Variants in GTSF1 observed in about 807,000 individuals in gnomAD.
GTSF1 encodes gametocyte specific factor 1.
Under a neutral mutation model 28.9 loss-of-function variants are expected in GTSF1, and 11 were observed. The observed-to-expected ratio is 0.38, with a 90% confidence interval of 0.24 to 0.63. The LOEUF (loss-of-function observed/expected upper bound fraction) is 0.63, where lower values mean the gene tolerates loss of function less well. Among genes scored for constraint, GTSF1 ranks in the 30% least tolerant of loss-of-function variants. GTSF1 has a pLI of 0.56. For missense variants in GTSF1, 146 were observed against 201.0 expected (o/e 0.73, Z 1.66); for synonymous variants, 69 against 65.6 (o/e 1.05, Z -0.25).
intron 1 of GTSF1, among the ~76,000 whole-genome samples, chr12:54,471,479 C>A (rs1394301565): frequency 6.6e-6 from 1 of 152,052 alleles, no homozygotes; most frequent in Non-Finnish European, 1.5e-5. Flanking sequence ...AATTCACATT[C>A]TTGGAATAAA....
At chr12:54,468,875 T>A (rs1026005425) in intron 2 of GTSF1, 5 of 152,118 alleles carry the variant, frequency 3.3e-5, no homozygotes, top group African/African-American at 9.7e-5. Context: ...TGATTCTGAT[T>A]CAGTAGGTCT....
intron 3 of GTSF1, 129 bp from the exon 4 acceptor site, chr12:54,463,426 A>G (rs545946277): frequency 1.4e-6 from 1 of 740,492 alleles, no homozygotes; most frequent in Non-Finnish European, 2.2e-6. Flanking sequence ...AACTATAACA[A>G]GTAAACTCAG....
At chr12:54,467,858 C>T (rs1473501818) in intron 2 of GTSF1, among the ~76,000 whole-genome samples, 1 of 151,790 alleles carries the variant, frequency 6.6e-6, no homozygotes, top group Admixed American at 6.6e-5. Context: ...ACTGCAACCT[C>T]TGCCTCCCGG....
At chr12:54,466,426 G>A (rs1274404221) in intron 2 of GTSF1, among the ~76,000 whole-genome samples, 1 of 152,178 alleles carries the variant, frequency 6.6e-6, no homozygotes, top group Non-Finnish European at 1.5e-5. Flanking sequence ...ATGCAAATGA[G>A]CCAGAAAGGT....
At chr12:54,462,212 A>G (rs375901387) in intron 5 of GTSF1, 40 bp from the exon 6 acceptor site, 4 of 1,383,890 alleles carry the variant, frequency 2.9e-6, no homozygotes, top group Admixed American at 1.7e-5. Context: ...GTACTACTAG[A>G]TAAGACACCA....
chr12:54,463,214 A>G lies in GTSF1; in HGVS notation c.201T>C (p.His67=). The G allele has an allele frequency of 6.2e-7, 1 of 1,613,842 alleles. No homozygotes were observed. Among genetic ancestry groups the G allele is most frequent in the Non-Finnish European group, 8.5e-7 (1 of 1,179,692 alleles). Residue 67 remains histidine, a synonymous_variant, in exon 4 of 9, where the codon CAT becomes CAC. Transcript: ENST00000305879. ...HQVPRAEISH[H]ISSCDDRSCI... The stretch of plus-strand genomic sequence containing the variant: ...AACTTCTGTCATCACAGCTTGAGAT[A>G]TGATGACTAATTTCAGCTCGAGGAA...
chr12:54,462,209 T>C (rs1956433874), intron 5 of GTSF1, 37 bp from the exon 6 acceptor site: 2 of 1,418,304 alleles, frequency 1.4e-6, no homozygotes, highest in Non-Finnish European at 2.0e-6. Context: ...GTGGTACTAC[T>C]AGATAAGACA....
chr12:54,458,551 T>A (rs1016684596), intron 8 of GTSF1, among the ~76,000 whole-genome samples: 13 of 152,142 alleles, frequency 8.5e-5, no homozygotes, highest in Admixed American at 8.5e-4. Flanking sequence ...TTTGAATTTT[T>A]AGTAGAGACA....
intron 2 of GTSF1, among the ~76,000 whole-genome samples, chr12:54,467,322 G>GT (rs544650030): frequency 0.026 from 3,679 of 141,980 alleles, 153 homozygotes; most frequent in African/African-American, 0.083. Flanking sequence ...TTTGTTTTTT[G>GT]TTTTTTTTTT....
At chr12:54,463,335 G>C in intron 3 of GTSF1, 38 bp from the exon 4 acceptor site, 1 of 1,609,934 alleles carries the variant, frequency 6.2e-7, no homozygotes, top group East Asian at 2.2e-5. Context: ...CAGTTCTCTG[G>C]ATCTACTAAA....
At chr12:54,468,984 G>C (rs1592323734) in intron 2 of GTSF1, 2 of 152,358 alleles carry the variant, frequency 1.3e-5, no homozygotes, top group Middle Eastern at 3.4e-3. Flanking sequence ...GTAAGAGACA[G>C]AAAGGGGAGA....
intron 7 of GTSF1, 45 bp downstream of exon 7, chr12:54,460,332 A>G (rs1247799989): frequency 7.4e-7 from 1 of 1,345,356 alleles, no homozygotes; most frequent in Non-Finnish European, 1.1e-6. Context: ...AACTGTATTT[A>G]GCACAATGAA....
intron 1 of GTSF1, 130 bp downstream of exon 1, chr12:54,473,416 T>C (rs1283108638): frequency 1.3e-5 from 2 of 151,970 alleles, no homozygotes; most frequent in Non-Finnish European, 1.5e-5. Flanking sequence ...GTAGCCAAAA[T>C]AGCTGCATTG....
intron 7 of GTSF1, 57 bp from the exon 8 acceptor site, chr12:54,459,182 C>G (rs1237114211): frequency 2.6e-6 from 4 of 1,536,210 alleles, no homozygotes; most frequent in African/African-American, 1.4e-5. Context: ...TTCACTCCAT[C>G]CCCTATTCTT....
intron 2 of GTSF1, among the ~76,000 whole-genome samples, chr12:54,469,719 T>C (rs937818712): frequency 2.0e-5 from 3 of 149,708 alleles, no homozygotes; most frequent in African/African-American, 2.5e-5. Flanking sequence ...GACAGGGTCT[T>C]GCTCTGTCAC....
chr12:54,464,581 GTTAT>G (rs1007094252), intron 3 of GTSF1: 6 of 152,250 alleles, frequency 3.9e-5, no homozygotes, highest in African/African-American at 1.2e-4. Context: ...AAAAAAAATC[GTTAT>G]TTATTATTTT....
chr12:54,466,147 C>G (rs1324370412), intron 2 of GTSF1, among the ~76,000 whole-genome samples: 1 of 152,148 alleles, frequency 6.6e-6, no homozygotes, highest in Non-Finnish European at 1.5e-5. Context: ...CCAGGCTGTG[C>G]CCCAAATTTT....
intron 2 of GTSF1, 76 bp downstream of exon 2, chr12:54,471,157 A>C (rs1956588777): frequency 8.3e-7 from 1 of 1,208,484 alleles, no homozygotes; most frequent in African/African-American, 1.6e-5. Flanking sequence ...TTCCCAGCAC[A>C]CTAAAAGTCT....
rs4016626 is a variant in GTSF1 at position 54,458,832 on chromosome 12, T to TAA, written c.*20+255_*20+256dup. Among the ~76,000 whole-genome samples the TAA allele has an allele frequency of 6.8e-3, 891 of 131,970 alleles. 9 individuals carry two copies. The highest frequency in any genetic ancestry group is 0.028 in the East Asian group (130 of 4,620). 86.6% of individuals were successfully genotyped at this position (131,970 alleles called of 152,430 possible). A position where few individuals can be genotyped will look rare whatever the true frequency, so the allele number is the denominator to read the frequency against. On this transcript the variant is annotated intron_variant, in intron 8 of 8. Transcript: ENST00000305879. ...TGATAGATCTAGAATGCAACTTTGA[T>TAA]AAAAAAAAAAAAGGCAATGTGTACT...
Sources: allele counts gnomAD v4.1 joint callset (sites outside exome capture counted in the v4.1 genomes callset), GRCh38; gene constraint gnomAD v4.1.1; transcripts MANE v1.5; gene names NCBI Gene and HGNC (gene_info 2026-07-23, HGNC 2026-07-21).